Variants in CTNNA2 observed in about 807,000 individuals in gnomAD.
The protein encoded by CTNNA2 is catenin alpha-2.
A neutral mutation model predicts 101.0 loss-of-function variants in CTNNA2; 42 were observed. That is an observed-to-expected ratio of 0.42 (90% CI 0.32 to 0.54). The LOEUF (loss-of-function observed/expected upper bound fraction) is 0.54, where lower values mean the gene tolerates loss of function less well. Ranked by LOEUF, CTNNA2 falls within the 20% of genes least tolerant of loss-of-function variation. The pLI is 0.14. For synonymous variants in CTNNA2, 450 were observed against 456.4 expected, an observed-to-expected ratio of 0.99 and a Z score of 0.18; for missense variants, 871 against 1,223.1, an observed-to-expected ratio of 0.71 and a Z score of 4.29.
chr2:80,609,571 A>G (rs1055438918), intron 17 of CTNNA2, among the ~76,000 whole-genome samples: 1 of 151,716 alleles, frequency 6.6e-6, no homozygotes, highest in Non-Finnish European at 1.5e-5. Flanking sequence ...CAAGCTGGTA[A>G]TTACCAAGAT....
At chr2:80,424,256 G>T (rs1050127853) in intron 9 of CTNNA2, among the ~76,000 whole-genome samples, 8 of 152,070 alleles carry the variant, frequency 5.3e-5, no homozygotes, top group African/African-American at 1.9e-4. Flanking sequence ...GCCCGGCCCA[G>T]CAAACATTCA....
chr2:79,905,804 G>A (rs1402024586), intron 6 of CTNNA2, among the ~76,000 whole-genome samples: 3 of 152,102 alleles, frequency 2.0e-5, no homozygotes, highest in Admixed American at 2.0e-4. Flanking sequence ...TGGCTTACCT[G>A]GGTGTTTCTT....
At position 80,351,610 on chromosome 2, in the gene CTNNA2, A is replaced by T. The variant is rs111313041; in HGVS notation, c.1057-41601A>T. 1.9e-3 allele frequency among the ~76,000 whole-genome samples: 294 copies of T among 152,284 alleles called. 2 individuals are homozygous for T. Among genetic ancestry groups the T allele is most frequent in the African/African-American group, 6.6e-3 (274 of 41,560 alleles). On this transcript the variant is annotated intron_variant, in intron 7 of 18. Transcript: ENST00000402739. ...TCGCTAACTGCCTGGGTGATTTGGC[A>T]TGAAATTTAATTTGCTTTAACATGC...
At chr2:80,276,027 T>C (rs181840565) in intron 7 of CTNNA2, among the ~76,000 whole-genome samples, 9 of 152,282 alleles carry the variant, frequency 5.9e-5, no homozygotes, top group Admixed American at 3.9e-4. Flanking sequence ...GGAAATAATT[T>C]AGGCAATTAA....
intron 18 of CTNNA2, among the ~76,000 whole-genome samples, chr2:80,636,173 C>G (rs936446448): frequency 6.6e-6 from 1 of 151,912 alleles, no homozygotes; most frequent in Non-Finnish European, 1.5e-5. Context: ...TACTTATGTT[C>G]TGGAAAGCTA....
At chr2:80,556,793 G>A (rs1039724069) in intron 12 of CTNNA2, among the ~76,000 whole-genome samples, 2 of 152,208 alleles carry the variant, frequency 1.3e-5, no homozygotes, top group Non-Finnish European at 2.9e-5. Flanking sequence ...ATTGGATAAG[G>A]TTGTTAATGA....
chr2:80,516,575 G>C (rs1195724598), intron 9 of CTNNA2, among the ~76,000 whole-genome samples: 1 of 152,206 alleles, frequency 6.6e-6, no homozygotes. Context: ...GGCAGGGGCT[G>C]AGAATATCAA....
intron 18 of CTNNA2, among the ~76,000 whole-genome samples, chr2:80,646,347 T>C (rs1674086127): frequency 6.6e-6 from 1 of 152,120 alleles, no homozygotes; most frequent in Non-Finnish European, 1.5e-5. Flanking sequence ...ATATATCTCA[T>C]TAGTTGATGT....
intron 8 of CTNNA2, among the ~76,000 whole-genome samples, chr2:80,418,314 A>G (rs1018693244): frequency 6.6e-6 from 1 of 152,196 alleles, no homozygotes; most frequent in African/African-American, 2.4e-5. Context: ...AAATGATGTA[A>G]TATGCAAAGA....
At chr2:80,101,334 T>C (rs1050028003) in intron 7 of CTNNA2, among the ~76,000 whole-genome samples, 3 of 152,186 alleles carry the variant, frequency 2.0e-5, no homozygotes, top group African/African-American at 2.4e-5. Context: ...AAGAGCCAAA[T>C]TGATAACATT....
chr2:80,164,950 T>TGTTTTTTTTTG (rs59984769), intron 7 of CTNNA2, among the ~76,000 whole-genome samples: 1 of 148,784 alleles, frequency 6.7e-6, no homozygotes. Context: ...TTTTTTTTTT[T>TGTTTTTTTTTG]TTTTTTTCTA....
At chr2:79,317,835 G>C (rs1194639649) in intron 3 of CTNNA2, among the ~76,000 whole-genome samples, 2 of 151,808 alleles carry the variant, frequency 1.3e-5, no homozygotes, top group African/African-American at 4.8e-5. Context: ...AGTAAGTATT[G>C]AAAAATGAAT....
At chr2:80,571,246 C>A (rs950468894) in intron 12 of CTNNA2, among the ~76,000 whole-genome samples, 2 of 152,124 alleles carry the variant, frequency 1.3e-5, no homozygotes, top group Non-Finnish European at 2.9e-5. Flanking sequence ...TCTTAGTTGG[C>A]AGTTACTAAG....
At chr2:79,669,640 T>C (rs890108568) in intron 2 of CTNNA2, among the ~76,000 whole-genome samples, 3 of 152,182 alleles carry the variant, frequency 2.0e-5, no homozygotes, top group Non-Finnish European at 2.9e-5. Flanking sequence ...GTCATTTGGA[T>C]GTCTCTGCAG....
chr2:79,365,000 G>T (rs1677711839), intron 3 of CTNNA2, among the ~76,000 whole-genome samples: 1 of 152,054 alleles, frequency 6.6e-6, no homozygotes, highest in African/African-American at 2.4e-5. Flanking sequence ...GAATAGGCTG[G>T]GCACAGTGGC....
At chr2:79,633,966 A>G (rs1297050963) in intron 1 of CTNNA2, 1 of 152,228 alleles carries the variant, frequency 6.6e-6, no homozygotes, top group Non-Finnish European at 1.5e-5. Flanking sequence ...TTTGATTTAT[A>G]AGAGTTGAAA....
chr2:80,398,758 T>C (rs1232543439), intron 8 of CTNNA2, among the ~76,000 whole-genome samples: 1 of 149,368 alleles, frequency 6.7e-6, no homozygotes. Flanking sequence ...TCCCAGCCAC[T>C]TGGGAGGCTG....
At chr2:79,748,929 G>A (rs909368527) in intron 3 of CTNNA2, among the ~76,000 whole-genome samples, 2 of 152,034 alleles carry the variant, frequency 1.3e-5, no homozygotes, top group Non-Finnish European at 2.9e-5. Flanking sequence ...GGATCACGGG[G>A]CCAAAGAAGA....
At chr2:79,215,179 C>T (rs963810668) in intron 2 of CTNNA2, among the ~76,000 whole-genome samples, 6 of 152,086 alleles carry the variant, frequency 3.9e-5, no homozygotes, top group African/African-American at 1.2e-4. Context: ...TTGAACAGTC[C>T]GATTTTCAGT....
Sources: gnomAD v4.1 joint callset for allele counts (sites outside exome capture counted in the v4.1 genomes callset) on GRCh38, gnomAD v4.1.1 for gene constraint, MANE v1.5 for transcripts, NCBI Gene and HGNC (gene_info 2026-07-23, HGNC 2026-07-21) for gene names.